Variants in RBPJ observed in about 807,000 individuals in gnomAD.
RBPJ encodes recombination signal binding protein for immunoglobulin kappa J region, also known as recombining binding protein suppressor of hairless.
RBPJ carries 9 observed loss-of-function variants against 67.8 expected under a neutral mutation model. That is an observed-to-expected ratio of 0.13 (90% CI 0.08 to 0.23). RBPJ has a LOEUF of 0.23. RBPJ is among the 10% of genes least tolerant of loss of function. RBPJ has a pLI of 1.00. For synonymous variants in RBPJ, 198 were observed against 203.3 expected (o/e 0.97, Z 0.22); for missense variants, 305 against 595.6 (o/e 0.51, Z 5.08).
At chr4:26,223,961 T>G (rs1299007430) in intron 1 of RBPJ, among the ~76,000 whole-genome samples, 2 of 152,230 alleles carry the variant, frequency 1.3e-5, no homozygotes, top group African/African-American at 2.4e-5. Flanking sequence ...CTTAATTTTC[T>G]AAATGGGAAT....
chr4:26,296,762 C>T (rs998569999), intron 1 of RBPJ, among the ~76,000 whole-genome samples: 5 of 152,164 alleles, frequency 3.3e-5, no homozygotes, highest in African/African-American at 4.8e-5. Context: ...ATTCAGAGGC[C>T]ATAATTCATT....
intron 1 of RBPJ, among the ~76,000 whole-genome samples, chr4:26,164,627 C>T (rs892838015): frequency 2.6e-5 from 4 of 152,174 alleles, no homozygotes; most frequent in Non-Finnish European, 5.9e-5. Context: ...TACTTGGATG[C>T]AGTTGTGATC....
chr4:26,343,389 G>GTTA (rs1175021498), intron 1 of RBPJ, among the ~76,000 whole-genome samples: 1 of 152,160 alleles, frequency 6.6e-6, no homozygotes, highest in Non-Finnish European at 1.5e-5. Flanking sequence ...GCTACTGTGT[G>GTTA]TAATAGCATT....
In RBPJ at chr4:26,209,541, T is replaced by TTCCTCCTTCCCTGTCTCCCTC. The variant is rs1560211306; in HGVS notation, c.-167+45927_-167+45928insTCCTCCTTCCCTGTCTCCCTC. ...ACAATCAAGTGACATCCTATCTCCT[T>TTCCTCCTTCCCTGTCTCCCTC]CCTTCCTCCTTCCCTGTCTCCCTCC... On this transcript the variant is annotated intron_variant, in intron 1 of 4. Coordinates refer to the RBPJ transcript ENST00000512351. Among the ~76,000 whole-genome samples, 10 of 81,024 alleles carry TTCCTCCTTCCCTGTCTCCCTC rather than the reference T, an allele frequency of 1.2e-4. 1 individual carries two copies. Among genetic ancestry groups the TTCCTCCTTCCCTGTCTCCCTC allele is most frequent in the East Asian group, 7.6e-4 (2 of 2,630 alleles). 53.2% of individuals were successfully genotyped at this position (81,024 alleles called of 152,430 possible). A position where few individuals can be genotyped will look rare whatever the true frequency, so the allele number is the denominator to read the frequency against.
chr4:26,422,273 A>G (rs1735220529), intron 5 of RBPJ, among the ~76,000 whole-genome samples: 1 of 151,824 alleles, frequency 6.6e-6, no homozygotes. Context: ...AGTCTATTCC[A>G]CCCATAAAGT....
intron 1 of RBPJ, among the ~76,000 whole-genome samples, chr4:26,339,366 G>A (rs1412751908): frequency 1.3e-5 from 2 of 151,914 alleles, no homozygotes; most frequent in African/African-American, 2.4e-5. Context: ...ACAGTCCGGG[G>A]TTCATGCCTG....
chr4:26,319,348 C>T (rs528468290), upstream of RBPJ, among the ~76,000 whole-genome samples: 2 of 152,320 alleles, frequency 1.3e-5, no homozygotes, highest in Admixed American at 6.5e-5. Context: ...GTCTTCCATC[C>T]AGCGTCACAG....
At chr4:26,188,787 A>G (rs1352014467) in intron 1 of RBPJ, among the ~76,000 whole-genome samples, 1 of 152,246 alleles carries the variant, frequency 6.6e-6, no homozygotes, top group Non-Finnish European at 1.5e-5. Flanking sequence ...GAAGAATATT[A>G]TAAAAACCAC....
At chr4:26,344,198 A>G (rs1214959876) in intron 1 of RBPJ, among the ~76,000 whole-genome samples, 1 of 151,500 alleles carries the variant, frequency 6.6e-6, no homozygotes, top group Non-Finnish European at 1.5e-5. Flanking sequence ...TATGGTTTTA[A>G]TATGTTATTG....
chr4:26,327,058 T>G (rs1042165088), intron 1 of RBPJ, among the ~76,000 whole-genome samples: 4 of 152,172 alleles, frequency 2.6e-5, no homozygotes, highest in African/African-American at 9.7e-5. Flanking sequence ...AATGTAGGAA[T>G]GTTGAATGTC....
At chr4:26,147,585 C>T in the RBPJ span, among the ~76,000 whole-genome samples, 130 of 152,240 alleles carry the variant, frequency 8.5e-4, no homozygotes, top group African/African-American at 3.0e-3. Flanking sequence ...AGTGAAACTC[C>T]CAAAGGAGGA....
intron 1 of RBPJ, among the ~76,000 whole-genome samples, chr4:26,358,719 G>C (rs1727681548): frequency 6.6e-6 from 1 of 151,740 alleles, no homozygotes; most frequent in African/African-American, 2.4e-5. Flanking sequence ...GGAGGTTGAG[G>C]CTGCAGTGAG....
At chr4:26,172,627 T>C (rs1577434109) in intron 1 of RBPJ, among the ~76,000 whole-genome samples, 1 of 152,242 alleles carries the variant, frequency 6.6e-6, no homozygotes, top group East Asian at 1.9e-4. Flanking sequence ...TTTTGGAATG[T>C]CACTCTCCTT....
the RBPJ span, among the ~76,000 whole-genome samples, chr4:26,129,955 A>G: frequency 6.6e-6 from 1 of 152,038 alleles, no homozygotes; most frequent in Non-Finnish European, 1.5e-5. Context: ...TCTGCCTCCC[A>G]GGTCCAAGCG....
chr4:26,326,159 C>T (rs555024674), intron 1 of RBPJ, among the ~76,000 whole-genome samples: 18 of 152,052 alleles, frequency 1.2e-4, no homozygotes, highest in Admixed American at 9.2e-4. Flanking sequence ...TGTGTGTATA[C>T]AGTATATGTG....
At chr4:26,106,076 C>T in the RBPJ span, among the ~76,000 whole-genome samples, 7 of 152,310 alleles carry the variant, frequency 4.6e-5, no homozygotes, top group African/African-American at 1.7e-4. Flanking sequence ...CTCTGTCATT[C>T]CAAAGAGGTG....
intron 1 of RBPJ, among the ~76,000 whole-genome samples, chr4:26,208,542 G>A (rs1322767817): frequency 6.6e-6 from 1 of 152,204 alleles, no homozygotes; most frequent in Non-Finnish European, 1.5e-5. Context: ...ATGACATTAA[G>A]TAAGAGGGAG....
rs1038138419 is a variant in RBPJ at position 26,292,813 on chromosome 4, G to A, written c.-166-69633G>A. Among the ~76,000 whole-genome samples the A allele has an allele frequency of 5.3e-5, 8 of 150,036 alleles. 1 individual carries two copies. The highest frequency in any genetic ancestry group is 1.5e-4 in the African/African-American group (6 of 40,802). On this transcript the variant is annotated intron_variant, in intron 1 of 4. Transcript: ENST00000512351. Reference sequence around the variant, plus strand: ...AGGTATATACATATATATATATATGGTGTGTTTATATATATATATGTGTAT... The same window carrying A: ...AGGTATATACATATATATATATATGATGTGTTTATATATATATATGTGTAT...
intron 1 of RBPJ, among the ~76,000 whole-genome samples, chr4:26,241,029 C>T (rs1719617504): frequency 6.6e-6 from 1 of 151,844 alleles, no homozygotes; most frequent in Non-Finnish European, 1.5e-5. Context: ...CAAGCCAAAA[C>T]CCCCGTTTCT....
Sources: allele counts gnomAD v4.1 joint callset (sites outside exome capture counted in the v4.1 genomes callset), GRCh38; gene constraint gnomAD v4.1.1; transcripts MANE v1.5; gene names NCBI Gene and HGNC (gene_info 2026-07-23, HGNC 2026-07-21).